Variants in EXO1 observed in about 807,000 individuals in gnomAD.
EXO1 encodes the protein exonuclease 1.
A neutral mutation model predicts 84.5 loss-of-function variants in EXO1; 69 were observed. The observed-to-expected ratio is 0.82, with a 90% confidence interval of 0.67 to 1.00. EXO1 has a LOEUF of 1.00. Among genes scored for constraint, EXO1 ranks in the 50% least tolerant of loss-of-function variants. EXO1 has a pLI of 0.00. For synonymous variants in EXO1, 373 were observed against 366.1 expected, an observed-to-expected ratio of 1.02 and a Z score of -0.21; for missense variants, 1,045 against 1,000.7, an observed-to-expected ratio of 1.04 and a Z score of -0.60.
At chr1:241,864,447 G>C (rs1661592353) in intron 10 of EXO1, among the ~76,000 whole-genome samples, 1 of 152,224 alleles carries the variant, frequency 6.6e-6, no homozygotes, top group Admixed American at 6.5e-5. Flanking sequence ...AGAAATGCCT[G>C]CTATGTCTGT....
intron 13 of EXO1, among the ~76,000 whole-genome samples, chr1:241,880,747 A>T (rs1047016373): frequency 2.0e-5 from 3 of 152,310 alleles, no homozygotes; most frequent in Admixed American, 2.0e-4. Flanking sequence ...CATCATTTTG[A>T]ATATCAGTTT....
At chr1:241,871,916 T>TG in intron 11 of EXO1, 116 bp from the exon 12 acceptor site, 2 of 728,106 alleles carry the variant, frequency 2.7e-6, no homozygotes, top group Non-Finnish European at 4.4e-6. Context: ...GCATAGTTTT[T>TG]TTTTTTTTTT....
At position 241,858,635 on chromosome 1, in the gene EXO1, G is replaced by A; in HGVS notation, c.673G>A (p.Asp225Asn). ...TTACATGTGTATTCTTTCAGGTTGT[G>A]ACTACCTGTCATCACTGCGTGGGAT... Reference protein sequence around the residue: ...FRYMCILSGCDYLSSLRGIGL... With the variant: ...FRYMCILSGCNYLSSLRGIGL... The change falls in exon 8 of 16, where the codon GAC (aspartate) becomes AAC (asparagine). Residue 225 changes from aspartate (D) to asparagine (N), a missense_variant. By Grantham distance (23) the Asp-to-Asn change is conservative. Coordinates refer to ENST00000366548, the MANE Select transcript of EXO1 (RefSeq NM_130398.4). The A allele has an allele frequency of 1.2e-6, 2 of 1,613,938 alleles. No individual in the cohort carries two copies. Among genetic ancestry groups the A allele is most frequent in the Non-Finnish European group, 1.7e-6 (2 of 1,179,854 alleles).
At chr1:241,886,194 T>G (rs1018894307) in intron 15 of EXO1, among the ~76,000 whole-genome samples, 2 of 152,220 alleles carry the variant, frequency 1.3e-5, no homozygotes, top group Non-Finnish European at 2.9e-5. Flanking sequence ...CAGTGCAATA[T>G]CGTACTTCTC....
intron 10 of EXO1, among the ~76,000 whole-genome samples, chr1:241,864,878 C>CTTTTTTTTTTTTT (rs112285655): frequency 7.1e-6 from 1 of 140,476 alleles, no homozygotes. Flanking sequence ...TTCTTTCTTT[C>CTTTTTTTTTTTTT]TTTTTTTTTT....
chr1:241,871,399 G>A (rs1272256975), intron 11 of EXO1, among the ~76,000 whole-genome samples: 1 of 152,162 alleles, frequency 6.6e-6, no homozygotes, highest in Non-Finnish European at 1.5e-5. Context: ...GTAATTCAAA[G>A]AACCTTAGTG....
chr1:241,851,564 T>C (rs1660669795), intron 4 of EXO1, among the ~76,000 whole-genome samples: 1 of 152,252 alleles, frequency 6.6e-6, no homozygotes, highest in Non-Finnish European at 1.5e-5. Context: ...CAGTTGTTTT[T>C]GTCACAATAC....
chr1:241,865,194 TA>T (rs58249219), intron 10 of EXO1, among the ~76,000 whole-genome samples: 2,904 of 149,722 alleles, frequency 0.019, 33 homozygotes, highest in Middle Eastern at 0.067. Flanking sequence ...TATATATATA[TA>T]TTTTTTGACT....
At chr1:241,855,535 C>G (rs893633837) in intron 6 of EXO1, among the ~76,000 whole-genome samples, 2 of 152,342 alleles carry the variant, frequency 1.3e-5, no homozygotes, top group Admixed American at 6.5e-5. Context: ...GGATCCCGCA[C>G]GGGGCTGCAG....
At chr1:241,862,448 A>G (rs1661454575) in intron 10 of EXO1, among the ~76,000 whole-genome samples, 2 of 152,104 alleles carry the variant, frequency 1.3e-5, no homozygotes, top group South Asian at 4.1e-4. Context: ...CTGTGCACCA[A>G]CCACAGAATT....
intron 6 of EXO1, among the ~76,000 whole-genome samples, chr1:241,856,515 C>T: frequency 6.6e-6 from 1 of 151,620 alleles, no homozygotes; most frequent in East Asian, 1.9e-4. Flanking sequence ...TGTATATATA[C>T]GTGTGTGTGT....
rs190189925 is a variant in EXO1, at chr1:241,875,840, T to C, written c.1515-2909T>C. On this transcript the variant is annotated intron_variant, in intron 12 of 15. Transcript: ENST00000366548. ...TTGCAGTGAGCCAAGATCACGCCAC[T>C]GCACTCCAGCCTGGGTGACAAAGCG... Among the ~76,000 whole-genome samples, 769 of 152,332 alleles carry C rather than the reference T, an allele frequency of 5.0e-3. 11 individuals carry two copies. The highest frequency in any genetic ancestry group is 7.6e-3 in the Non-Finnish European group (516 of 68,030).
chr1:241,858,829 A>G, intron 8 of EXO1, 111 bp downstream of exon 8: 1 of 793,242 alleles, frequency 1.3e-6, no homozygotes, highest in South Asian at 1.5e-5. Flanking sequence ...CCTATATTAT[A>G]TTATTAAAAG....
rs1286171119 is a variant in EXO1, at chr1:241,878,905, T to C, written c.1671T>C (p.Arg557=). ...GACTGGTTGACACAGATGTAGCACG[T>C]AATTCAAGTGATGACATTCCGAATA... The part of the protein sequence containing the change: ...GKRLVDTDVA[R]NSSDDIPNNH... Residue 557 remains arginine, a synonymous_variant, in exon 13 of 16, where the codon CGT becomes CGC. Transcript: ENST00000366548. 1 of 1,614,198 alleles carries C rather than the reference T, an allele frequency of 6.2e-7. No individual in the cohort carries two copies. The highest frequency in any genetic ancestry group is 1.7e-5 in the Admixed American group (1 of 60,024).
intron 12 of EXO1, 139 bp from the exon 13 acceptor site, chr1:241,878,610 T>G (rs1662544398): frequency 3.3e-6 from 2 of 608,240 alleles, no homozygotes; most frequent in South Asian, 2.2e-5. Flanking sequence ...TTTAAGATTT[T>G]TTATGCCTTT....
chr1:241,864,950 CAG>C (rs1329649213), intron 10 of EXO1, among the ~76,000 whole-genome samples: 1 of 150,762 alleles, frequency 6.6e-6, no homozygotes, highest in Non-Finnish European at 1.5e-5. Context: ...GTGGCACCAT[CAG>C]AGCTCCTGGG....
At position 241,852,342 on chromosome 1, in the gene EXO1, T is replaced by A. The variant is rs1224881550; in HGVS notation, c.212T>A (p.Ile71Asn). 1 of 1,590,394 alleles carries A rather than the reference T, an allele frequency of 6.3e-7. No individual in the cohort carries two copies. The highest frequency in any genetic ancestry group is 1.3e-5 in the African/African-American group (1 of 74,432). Residue 71 changes from isoleucine (I) to asparagine (N), a missense_variant, in exon 5 of 16, where the codon ATC (isoleucine) becomes AAC (asparagine). Physicochemically the swap from Ile to Asn is moderately radical, Grantham distance 149. Transcript: ENST00000366548. Reference protein sequence around the residue: ...KFVNMLLSHGIKPILVFDGCT... With the variant: ...KFVNMLLSHGNKPILVFDGCT... ...GTAAATATGTTACTATCTCATGGGA[T>A]CAAGCCTATTCTCGTATTTGATGGA... is the stretch of plus-strand genomic sequence containing the variant.
chr1:241,875,587 A>G (rs1005490186), intron 12 of EXO1, among the ~76,000 whole-genome samples: 8 of 152,170 alleles, frequency 5.3e-5, no homozygotes, highest in African/African-American at 1.7e-4. Flanking sequence ...TAGATAATAT[A>G]CACTGATTGG....
intron 7 of EXO1, 35 bp from the exon 8 acceptor site, chr1:241,858,471 C>T (rs370165097): frequency 2.4e-5 from 34 of 1,430,702 alleles, no homozygotes; most frequent in Non-Finnish European, 3.2e-5. Context: ...AAAAGTGGCC[C>T]TTCTAGGTAT....
Sources: gnomAD v4.1 joint callset for allele counts (sites outside exome capture counted in the v4.1 genomes callset) on GRCh38, gnomAD v4.1.1 for gene constraint, MANE v1.5 for transcripts, NCBI Gene and HGNC (gene_info 2026-07-23, HGNC 2026-07-21) for gene names.